Variants in VRK2 observed in about 807,000 individuals in gnomAD.
The protein encoded by VRK2 is VRK serine/threonine kinase 2, also known as serine/threonine-protein kinase VRK2.
VRK2 carries 60 observed loss-of-function variants against 57.6 expected under a neutral mutation model. That is an observed-to-expected ratio of 1.04 (90% CI 0.85 to 1.29). The LOEUF is 1.29. Ranked by LOEUF, VRK2 falls within the 50% of genes most tolerant of loss-of-function variation. The pLI, the probability that VRK2 is intolerant of heterozygous loss-of-function variation, is 0.00. For synonymous variants in VRK2, 231 were observed against 199.2 expected, an observed-to-expected ratio of 1.16 and a Z score of -1.35; for missense variants, 705 against 588.1, an observed-to-expected ratio of 1.20 and a Z score of -2.06.
intron 7 of VRK2, among the ~76,000 whole-genome samples, chr2:58,112,370 T>C (rs1033214736): frequency 3.3e-5 from 5 of 152,220 alleles, no homozygotes; most frequent in Non-Finnish European, 7.3e-5. Context: ...ATTTCTTCCC[T>C]TCCTTTACTT....
chr2:58,078,728 A>G lies in VRK2; in HGVS notation c.137-5361A>G. Among the ~76,000 whole-genome samples, 2 of 151,996 alleles carry G rather than the reference A, an allele frequency of 1.3e-5. 1 individual carries two copies. The highest frequency in any genetic ancestry group is 2.9e-5 in the Non-Finnish European group (2 of 67,978). On this transcript the variant is annotated intron_variant, in intron 2 of 12. Coordinates refer to ENST00000340157, the MANE Select transcript of VRK2 (RefSeq NM_006296.7). ...GCCATCCTAATGGATAGGGGGTGAT[A>G]TTGTGGTTTTGATTTGCGTTTTTCT...
At chr2:57,913,214 T>G (rs1670043621) in intron 1 of VRK2, among the ~76,000 whole-genome samples, 1 of 152,198 alleles carries the variant, frequency 6.6e-6, no homozygotes, top group Non-Finnish European at 1.5e-5. Context: ...GATTCAATCT[T>G]GGCCCTACCA....
At chr2:58,041,083 G>A (rs942105717) in intron 3 of VRK2, 3 of 984,798 alleles carry the variant, frequency 3.0e-6, no homozygotes, top group Admixed American at 1.2e-4. Flanking sequence ...GGGGGAAAAA[G>A]GATGTAGAGT....
chr2:58,133,712 T>C (rs1558679447), intron 9 of VRK2, among the ~76,000 whole-genome samples: 1 of 152,186 alleles, frequency 6.6e-6, no homozygotes, highest in Non-Finnish European at 1.5e-5. Context: ...ACCAGAAGTG[T>C]TGCAGATTTC....
intron 11 of VRK2, among the ~76,000 whole-genome samples, chr2:58,145,967 G>A (rs1279886624): frequency 6.6e-6 from 1 of 152,088 alleles, no homozygotes; most frequent in East Asian, 1.9e-4. Flanking sequence ...CTTTTTAATG[G>A]CTGCATAGTA....
intron 1 of VRK2, among the ~76,000 whole-genome samples, chr2:57,930,970 G>C (rs1040746439): frequency 6.6e-6 from 1 of 151,862 alleles, no homozygotes; most frequent in Admixed American, 6.6e-5. Flanking sequence ...TACATGTACT[G>C]AGTATTTTTA....
At chr2:58,148,345 G>A (rs565643969) in intron 12 of VRK2, among the ~76,000 whole-genome samples, 2 of 151,776 alleles carry the variant, frequency 1.3e-5, no homozygotes, top group African/African-American at 4.8e-5. Flanking sequence ...TTTCTTTGTC[G>A]AGTGTTCTAA....
rs748414309 is a variant in VRK2 at position 58,084,901 on chromosome 2, G to T, written c.207G>T (p.Pro69=). Residue 69 remains proline, a synonymous_variant, in exon 4 of 13, where the codon CCG becomes CCT. Transcript: ENST00000340157. ...VVKVEYQENG[P]LFSELKFYQR... is the part of the protein sequence containing the mutation. The stretch of plus-strand genomic sequence containing the variant: ...TATAGGAATATCAAGAAAATGGCCC[G>T]TTATTTTCAGAACTTAAATTTTATC... 2 of 1,580,960 alleles carry T rather than the reference G, an allele frequency of 1.3e-6. No individual in the cohort carries two copies.
chr2:58,013,503 T>C (rs150430278), intron 1 of VRK2, among the ~76,000 whole-genome samples: 1 of 152,236 alleles, frequency 6.6e-6, no homozygotes, highest in Non-Finnish European at 1.5e-5. Context: ...CTGTAATTCC[T>C]TTTCTATATT....
At chr2:57,995,531 C>G (rs1297722404) in intron 1 of VRK2, among the ~76,000 whole-genome samples, 1 of 152,126 alleles carries the variant, frequency 6.6e-6, no homozygotes, top group Non-Finnish European at 1.5e-5. Flanking sequence ...TCTACATCAT[C>G]ACAGTTTGTC....
intron 1 of VRK2, among the ~76,000 whole-genome samples, chr2:58,003,397 C>T (rs771854564): frequency 1.3e-5 from 2 of 151,814 alleles, no homozygotes; most frequent in African/African-American, 4.8e-5. Context: ...GCTTTAGCAC[C>T]ACCGGGAAAA....
intron 12 of VRK2, among the ~76,000 whole-genome samples, chr2:58,155,063 A>G (rs974330500): frequency 2.0e-5 from 3 of 152,154 alleles, no homozygotes; most frequent in African/African-American, 7.2e-5. Flanking sequence ...TGCCTGGTTG[A>G]ATGTTCCAGT....
At chr2:58,154,688 T>G (rs1232095321) in intron 12 of VRK2, 3 of 714,594 alleles carry the variant, frequency 4.2e-6, no homozygotes, top group Non-Finnish European at 7.8e-6. Context: ...TTAAAGCATT[T>G]GGAGATTTTC....
chr2:58,139,896 T>C, intron 11 of VRK2, 64 bp downstream of exon 11: 9 of 1,489,602 alleles, frequency 6.0e-6, no homozygotes, highest in Non-Finnish European at 8.1e-6. Context: ...TCGAATGAAA[T>C]TGTTTTAGGT....
chr2:57,944,097 A>C (rs960310913), intron 1 of VRK2, among the ~76,000 whole-genome samples: 1 of 152,196 alleles, frequency 6.6e-6, no homozygotes, highest in Non-Finnish European at 1.5e-5. Context: ...AAAAACCTTT[A>C]TGAGCTTGAA....
intron 2 of VRK2, among the ~76,000 whole-genome samples, chr2:58,080,901 T>C (rs1039349153): frequency 6.6e-6 from 1 of 151,928 alleles, no homozygotes; most frequent in Admixed American, 6.6e-5. Flanking sequence ...CAGCCCATAT[T>C]AGATGCTTAA....
chr2:57,935,234 C>T (rs1447302959), intron 1 of VRK2, among the ~76,000 whole-genome samples: 2 of 152,064 alleles, frequency 1.3e-5, no homozygotes, highest in East Asian at 1.9e-4. Flanking sequence ...AGAAAAAATG[C>T]CTTCATCAGT....
chr2:57,963,438 C>T (rs1000068702), intron 1 of VRK2, among the ~76,000 whole-genome samples: 1 of 152,124 alleles, frequency 6.6e-6, no homozygotes, highest in East Asian at 1.9e-4. Context: ...TTCGGCAAAT[C>T]CTTAAATGAC....
chr2:57,919,108 C>T (rs1670252108), intron 1 of VRK2, among the ~76,000 whole-genome samples: 1 of 151,926 alleles, frequency 6.6e-6, no homozygotes, highest in South Asian at 2.1e-4. Flanking sequence ...TGCAATAAAT[C>T]CTGTATAGAG....
Sources: gnomAD v4.1 joint callset for allele counts (sites outside exome capture counted in the v4.1 genomes callset) on GRCh38, gnomAD v4.1.1 for gene constraint, MANE v1.5 for transcripts, NCBI Gene and HGNC (gene_info 2026-07-23, HGNC 2026-07-21) for gene names.